Variants in KLHL1 observed in about 807,000 individuals in gnomAD.
KLHL1 encodes the protein kelch-like protein 1.
KLHL1 carries 47 observed loss-of-function variants against 77.7 expected under a neutral mutation model. The ratio of observed to expected loss-of-function variants is 0.60; its 90% CI spans 0.48 to 0.77. The LOEUF (loss-of-function observed/expected upper bound fraction) is 0.77, where lower values mean the gene tolerates loss of function less well. KLHL1 is among the 30% of genes least tolerant of loss of function. The pLI is 0.00. For synonymous variants in KLHL1, 360 were observed against 325.2 expected (o/e 1.11, Z -1.15); for missense variants, 925 against 910.8 (o/e 1.02, Z -0.20).
intron 1 of KLHL1, among the ~76,000 whole-genome samples, chr13:70,031,687 A>C (rs1886106216): frequency 6.6e-6 from 1 of 152,230 alleles, no homozygotes; most frequent in Non-Finnish European, 1.5e-5. Context: ...CCATAAACCT[A>C]ATTATTGCTT....
chr13:69,934,971 T>C lies in KLHL1; in HGVS notation c.1014+5069A>G, dbSNP rs1883127651. 1.5e-5 allele frequency among the ~76,000 whole-genome samples: 2 copies of C among 131,836 alleles called. 1 individual carries two copies. Among genetic ancestry groups the C allele is most frequent in the South Asian group, 4.5e-4 (2 of 4,480 alleles). 86.5% of individuals were successfully genotyped at this position (131,836 alleles called of 152,430 possible). A position where few individuals can be genotyped will look rare whatever the true frequency, so the allele number is the denominator to read the frequency against. The stretch of plus-strand genomic sequence containing the variant: ...GTGTGTGTGTGCATGTGTATATATA[T>C]ATATATATATATATATATGTATATA... On this transcript the variant is annotated intron_variant, in intron 4 of 10. Transcript: ENST00000377844.
rs138998103 is a variant in KLHL1, at chr13:69,843,660, A to C, written c.1228-4498T>G. On this transcript the variant is annotated intron_variant, in intron 5 of 10. Coordinates refer to ENST00000377844, the MANE Select transcript of KLHL1 (RefSeq NM_020866.3). ...AAAAATTATATGTTAGTGGTACAGT[A>C]AGTTATAAGTAATTTTAAAAATGAT... 1.6e-3 allele frequency among the ~76,000 whole-genome samples: 249 copies of C among 151,892 alleles called. 1 individual carries two copies. Among genetic ancestry groups the C allele is most frequent in the African/African-American group, 5.5e-3 (229 of 41,520 alleles).
intron 1 of KLHL1, among the ~76,000 whole-genome samples, chr13:70,097,369 T>C (rs1887816891): frequency 6.6e-6 from 1 of 151,998 alleles, no homozygotes; most frequent in South Asian, 2.1e-4. Flanking sequence ...ATGTGCAAGG[T>C]AGGAGAAATA....
intron 1 of KLHL1, among the ~76,000 whole-genome samples, chr13:70,018,079 A>G (rs1261766981): frequency 1.3e-5 from 2 of 152,212 alleles, no homozygotes; most frequent in African/African-American, 4.8e-5. Flanking sequence ...TTATCTTTAA[A>G]TCTATGAAAA....
chr13:69,857,766 G>C (rs1247344296), intron 5 of KLHL1, among the ~76,000 whole-genome samples: 3 of 151,744 alleles, frequency 2.0e-5, no homozygotes, highest in Non-Finnish European at 2.9e-5. Flanking sequence ...ATTTGGAAAA[G>C]ACTTATTGAT....
chr13:69,707,200 C>G (rs902949518), intron 10 of KLHL1, among the ~76,000 whole-genome samples: 4 of 151,962 alleles, frequency 2.6e-5, no homozygotes, highest in African/African-American at 9.7e-5. Flanking sequence ...ATTCTCTCTG[C>G]AACAGATAAA....
intron 4 of KLHL1, among the ~76,000 whole-genome samples, chr13:69,917,128 G>GA (rs1212268244): frequency 6.6e-6 from 1 of 151,714 alleles, no homozygotes; most frequent in East Asian, 1.9e-4. Context: ...AGCGCTTGAA[G>GA]AAAAAATAAA....
At chr13:69,947,380 C>T (rs1280749322) in intron 3 of KLHL1, among the ~76,000 whole-genome samples, 1 of 151,856 alleles carries the variant, frequency 6.6e-6, no homozygotes, top group Admixed American at 6.6e-5. Flanking sequence ...ATTTTTACTT[C>T]CCAGATCAAC....
At chr13:69,724,052 G>T (rs1207430565) in intron 8 of KLHL1, among the ~76,000 whole-genome samples, 1 of 151,902 alleles carries the variant, frequency 6.6e-6, no homozygotes, top group Admixed American at 6.6e-5. Context: ...TGGCCAGGAT[G>T]GTCCGAACTC....
intron 4 of KLHL1, among the ~76,000 whole-genome samples, chr13:69,921,331 G>T (rs749553941): frequency 4.6e-5 from 7 of 152,182 alleles, no homozygotes; most frequent in Non-Finnish European, 1.0e-4. Flanking sequence ...CATTGTGAGT[G>T]CCATAATGGG....
intron 1 of KLHL1, among the ~76,000 whole-genome samples, chr13:70,062,764 T>C (rs535477001): frequency 2.9e-4 from 44 of 152,306 alleles, no homozygotes; most frequent in Non-Finnish European, 5.7e-4. Flanking sequence ...ACAAGCATAC[T>C]ATTTTTATCA....
intron 6 of KLHL1, among the ~76,000 whole-genome samples, chr13:69,806,194 T>TAAGG (rs1877609475): frequency 6.6e-6 from 1 of 152,210 alleles, no homozygotes; most frequent in Non-Finnish European, 1.5e-5. Context: ...ATTCCTGTCT[T>TAAGG]ACTCCTTATA....
chr13:69,969,763 T>G (rs1884323985), intron 2 of KLHL1, among the ~76,000 whole-genome samples: 1 of 152,168 alleles, frequency 6.6e-6, no homozygotes, highest in Non-Finnish European at 1.5e-5. Flanking sequence ...GATTAAATTT[T>G]AGAAGAGGGA....
chr13:69,755,327 G>A (rs1874660818), intron 7 of KLHL1, among the ~76,000 whole-genome samples: 2 of 151,834 alleles, frequency 1.3e-5, no homozygotes, highest in African/African-American at 2.4e-5. Flanking sequence ...AGCTTCCTGA[G>A]GCTTCACTAA....
intron 1 of KLHL1, among the ~76,000 whole-genome samples, chr13:70,104,265 G>A (rs948781611): frequency 6.6e-6 from 1 of 152,150 alleles, no homozygotes; most frequent in Admixed American, 6.5e-5. Flanking sequence ...ATGTGGTCAA[G>A]GTAGTAGAGC....
chr13:70,033,627 T>C (rs1886170403), intron 1 of KLHL1, among the ~76,000 whole-genome samples: 1 of 126,048 alleles, frequency 7.9e-6, no homozygotes, highest in African/African-American at 3.2e-5. Context: ...TTTTTTTTTT[T>C]TTTTTTTTTT....
chr13:69,973,528 A>G (rs1884457661), intron 2 of KLHL1, among the ~76,000 whole-genome samples: 1 of 151,738 alleles, frequency 6.6e-6, no homozygotes, highest in Non-Finnish European at 1.5e-5. Flanking sequence ...AACACCACAT[A>G]CATTTTGCTT....
At chr13:69,992,843 AT>A (rs1885059091) in intron 1 of KLHL1, among the ~76,000 whole-genome samples, 1 of 151,984 alleles carries the variant, frequency 6.6e-6, no homozygotes, top group Non-Finnish European at 1.5e-5. Flanking sequence ...ACTTAAATAA[AT>A]TAGTGAAGAA....
chr13:69,842,840 G>A (rs1349774049), intron 5 of KLHL1, among the ~76,000 whole-genome samples: 2 of 151,782 alleles, frequency 1.3e-5, no homozygotes, highest in Non-Finnish European at 2.9e-5. Flanking sequence ...ATACACAATA[G>A]AATGCTACTT....
Sources: gnomAD v4.1 joint callset for allele counts (sites outside exome capture counted in the v4.1 genomes callset) on GRCh38, gnomAD v4.1.1 for gene constraint, MANE v1.5 for transcripts, NCBI Gene and HGNC (gene_info 2026-07-23, HGNC 2026-07-21) for gene names.